Variants in DGKB observed in about 807,000 individuals in gnomAD.
DGKB encodes the protein diacylglycerol kinase beta.
A neutral mutation model predicts 114.3 loss-of-function variants in DGKB; 67 were observed. The ratio of observed to expected loss-of-function variants is 0.59; its 90% CI spans 0.48 to 0.72. DGKB has a LOEUF of 0.72. DGKB is among the 30% of genes least tolerant of loss of function. DGKB has a pLI of 0.00. For missense variants in DGKB, 907 were observed against 975.2 expected, an observed-to-expected ratio of 0.93 and a Z score of 0.93; for synonymous variants, 398 against 323.1, an observed-to-expected ratio of 1.23 and a Z score of -2.49.
intron 23 of DGKB, among the ~76,000 whole-genome samples, chr7:14,320,096 C>G (rs536973271): frequency 6.6e-6 from 1 of 152,154 alleles, no homozygotes; most frequent in Non-Finnish European, 1.5e-5. Context: ...TTCAAGAACT[C>G]TCATTAAAGC....
intron 20 of DGKB, among the ~76,000 whole-genome samples, chr7:14,519,241 G>T (rs899371033): frequency 6.6e-6 from 1 of 151,828 alleles, no homozygotes; most frequent in Non-Finnish European, 1.5e-5. Context: ...AAATCTGTTT[G>T]CAATCAATCT....
chr7:14,397,768 T>G (rs78258541), intron 21 of DGKB, among the ~76,000 whole-genome samples: 3 of 151,962 alleles, frequency 2.0e-5, no homozygotes, highest in South Asian at 2.1e-4. Flanking sequence ...CAAAAAAAAG[T>G]GGATTGTGCT....
chr7:14,492,564 G>T lies in DGKB; in HGVS notation c.1771-14339C>A, dbSNP rs538111622. 1.2e-4 allele frequency among the ~76,000 whole-genome samples: 18 copies of T among 152,078 alleles called. No individual in the cohort carries two copies. In the South Asian group the frequency reaches 2.5e-3, roughly 21 times the overall value. ...TTGTTAGTGAGGTACAGCTTACAGGGATTCACAGAATTAATGGGTATTAGA... is the reference window on the plus strand; with the variant it reads ...TTGTTAGTGAGGTACAGCTTACAGGTATTCACAGAATTAATGGGTATTAGA... On this transcript the variant is annotated intron_variant, in intron 20 of 25. Transcript: ENST00000402815.
At chr7:14,697,683 AAAGGAAGGAAGG>A (rs747233094) in intron 8 of DGKB, among the ~76,000 whole-genome samples, 215 of 147,650 alleles carry the variant, frequency 1.5e-3, no homozygotes, top group African/African-American at 5.2e-3. Flanking sequence ...AAAGAAAAGA[AAAGGAAGGAAGG>A]AAGGAAGGAA....
intron 21 of DGKB, among the ~76,000 whole-genome samples, chr7:14,421,993 G>A (rs1826788936): frequency 6.6e-6 from 1 of 151,798 alleles, no homozygotes; most frequent in Non-Finnish European, 1.5e-5. Flanking sequence ...ATCCAAAAAA[G>A]CTATTACAGC....
chr7:14,704,360 A>G (rs1719124991), intron 6 of DGKB, among the ~76,000 whole-genome samples: 1 of 149,974 alleles, frequency 6.7e-6, no homozygotes, highest in African/African-American at 2.5e-5. Context: ...AGGCAGGAGA[A>G]TGGCGCGAAC....
At chr7:14,460,823 A>C (rs1233561236) in intron 21 of DGKB, among the ~76,000 whole-genome samples, 1 of 152,120 alleles carries the variant, frequency 6.6e-6, no homozygotes, top group Non-Finnish European at 1.5e-5. Context: ...ACCACATCAC[A>C]CTTATTCTAA....
At chr7:14,252,128 A>G (rs1795337298) in intron 23 of DGKB, among the ~76,000 whole-genome samples, 1 of 151,946 alleles carries the variant, frequency 6.6e-6, no homozygotes, top group South Asian at 2.1e-4. Context: ...TGTATAATGC[A>G]TATTTGGCTT....
chr7:14,324,331 T>C (rs1808349965), intron 23 of DGKB, among the ~76,000 whole-genome samples: 1 of 150,982 alleles, frequency 6.6e-6, no homozygotes, highest in Non-Finnish European at 1.5e-5. Flanking sequence ...CCTATAATCC[T>C]GGCTACTTGG....
At chr7:14,579,788 T>A (rs940389587) in intron 19 of DGKB, among the ~76,000 whole-genome samples, 5 of 148,476 alleles carry the variant, frequency 3.4e-5, no homozygotes, top group African/African-American at 1.2e-4. Context: ...GGAGTTTGTT[T>A]AAAAAAAAAA....
chr7:14,568,076 T>G (rs568938852), intron 20 of DGKB, among the ~76,000 whole-genome samples: 2 of 152,332 alleles, frequency 1.3e-5, no homozygotes, highest in South Asian at 4.1e-4. Flanking sequence ...TAGTTGGCTT[T>G]TGCTTCTAAT....
chr7:14,151,467 TA>T (rs36063590), intron 25 of DGKB, among the ~76,000 whole-genome samples: 10,649 of 138,032 alleles, frequency 0.077, 537 homozygotes, highest in African/African-American at 0.18. Context: ...AAAAACTTTT[TA>T]AAAAAAAAAA....
At chr7:14,725,369 A>C (rs1829863098) in intron 5 of DGKB, among the ~76,000 whole-genome samples, 1 of 152,122 alleles carries the variant, frequency 6.6e-6, no homozygotes, top group African/African-American at 2.4e-5. Context: ...TATTTAAATT[A>C]TTCTCAGTAA....
At chr7:14,386,016 C>T (rs1400042209) in intron 21 of DGKB, among the ~76,000 whole-genome samples, 1 of 152,136 alleles carries the variant, frequency 6.6e-6, no homozygotes, top group African/African-American at 2.4e-5. Flanking sequence ...CATCGTAGAG[C>T]CTTTAAAATG....
chr7:14,231,089 T>TTC lies in DGKB; in HGVS notation c.2123-52940_2123-52939dup, dbSNP rs879667379. Among the ~76,000 whole-genome samples, 196 of 75,644 alleles carry TTC rather than the reference T, an allele frequency of 2.6e-3. 2 individuals carry two copies. The highest frequency in any genetic ancestry group is 1.7e-3 in the South Asian group (4 of 2,322). 49.6% of individuals were successfully genotyped at this position (75,644 alleles called of 152,430 possible). The stretch of plus-strand genomic sequence containing the variant: ...AAAATTCTTTCTTCTTTCCCTTTCT[T>TTC]TCTTTCTTTCTTTCTTTCTTTCTTT... On this transcript the variant is annotated intron_variant, in intron 23 of 25. Coordinates refer to ENST00000402815, the MANE Select transcript of DGKB (RefSeq NM_001350709.2).
intron 21 of DGKB, among the ~76,000 whole-genome samples, chr7:14,395,612 A>G (rs976652927): frequency 1.3e-5 from 2 of 151,842 alleles, no homozygotes; most frequent in African/African-American, 2.4e-5. Context: ...ATTTCAGAGA[A>G]CTACCATGTT....
chr7:14,831,632 T>G (rs1846428479), intron 2 of DGKB, among the ~76,000 whole-genome samples: 1 of 152,064 alleles, frequency 6.6e-6, no homozygotes, highest in African/African-American at 2.4e-5. Flanking sequence ...ACATGCTGTT[T>G]GCTATGACAT....
At chr7:14,235,083 C>G (rs149105833) in intron 23 of DGKB, among the ~76,000 whole-genome samples, 2 of 152,144 alleles carry the variant, frequency 1.3e-5, no homozygotes, top group Admixed American at 6.6e-5. Context: ...TTTCAGGAAG[C>G]CTTTCTCAGG....
At chr7:14,736,309 T>G in intron 4 of DGKB, 115 bp from the exon 5 acceptor site, 2 of 638,502 alleles carry the variant, frequency 3.1e-6, no homozygotes, top group East Asian at 3.0e-5. Context: ...TATATCCAAG[T>G]TTAACAAATG....
Sources: gnomAD v4.1 joint callset for allele counts (sites outside exome capture counted in the v4.1 genomes callset) on GRCh38, gnomAD v4.1.1 for gene constraint, MANE v1.5 for transcripts, NCBI Gene and HGNC (gene_info 2026-07-23, HGNC 2026-07-21) for gene names.